NLGN4Y: variants seen among roughly 807,000 people sequenced by gnomAD.
The protein encoded by NLGN4Y is neuroligin-4, Y-linked.
NLGN4Y carries 4 observed loss-of-function variants against 8.4 expected under a neutral mutation model. The ratio of observed to expected loss-of-function variants is 0.48; its 90% confidence interval spans 0.23 to 1.09. NLGN4Y has a LOEUF of 1.09. Among genes scored for constraint, NLGN4Y ranks in the 50% least tolerant of loss-of-function variants. NLGN4Y has a pLI of 0.19. For missense variants in NLGN4Y, 90 were observed against 192.3 expected, an observed-to-expected ratio of 0.47 and a Z score of 3.15; for synonymous variants, 35 against 75.6, an observed-to-expected ratio of 0.46 and a Z score of 2.78.
intron 4 of NLGN4Y, among the ~76,000 whole-genome samples, chrY:14,762,398 A>G: frequency 2.9e-5 from 1 of 34,219 alleles, no homozygotes; most frequent in Admixed American, 2.7e-4. Context: ...TCCTTTACCA[A>G]TATTCCTCAT....
At chrY:14,693,910 AT>A (rs2080819167) in intron 2 of NLGN4Y, among the ~76,000 whole-genome samples, 7 of 32,082 alleles carry the variant, frequency 2.2e-4, no homozygotes, top group African/African-American at 3.6e-4. Context: ...AGGGACAAAA[AT>A]TAAAAAAAAA....
chrY:14,630,576 G>GA (rs2080545052), intron 2 of NLGN4Y, among the ~76,000 whole-genome samples: 1 of 33,624 alleles, frequency 3.0e-5, no homozygotes, highest in Non-Finnish European at 7.3e-5. Context: ...AGTGGTAATA[G>GA]AAAACTAAGG....
At chrY:14,578,902 C>A (rs2080307162) in intron 1 of NLGN4Y, among the ~76,000 whole-genome samples, 2 of 34,251 alleles carry the variant, frequency 5.8e-5, no homozygotes, top group African/African-American at 2.3e-4. Context: ...AATTTTACCA[C>A]ATAGAACTCT....
At chrY:14,811,071 C>T (rs1055155799) in intron 4 of NLGN4Y, among the ~76,000 whole-genome samples, 37 of 33,583 alleles carry the variant, frequency 1.1e-3, no homozygotes, top group African/African-American at 3.9e-3. Context: ...AATTTGAGTG[C>T]AGGACGTCAC....
chrY:14,815,897 G>A, intron 4 of NLGN4Y, among the ~76,000 whole-genome samples: 1 of 33,469 alleles, frequency 3.0e-5, no homozygotes. Flanking sequence ...TTTAACTTAG[G>A]CATAGGCATG....
chrY:14,632,207 G>A, intron 2 of NLGN4Y, among the ~76,000 whole-genome samples: 2 of 33,774 alleles, frequency 5.9e-5, no homozygotes, highest in Non-Finnish European at 1.5e-4. Context: ...TACTGTTGTA[G>A]TGGAGGGGTA....
At chrY:14,806,931 A>C in intron 4 of NLGN4Y, among the ~76,000 whole-genome samples, 1 of 33,375 alleles carries the variant, frequency 3.0e-5, no homozygotes, top group African/African-American at 1.2e-4. Flanking sequence ...TTGTAAGAAA[A>C]GTTGCTGTCT....
At chrY:14,716,251 G>A (rs2080915015) in intron 2 of NLGN4Y, among the ~76,000 whole-genome samples, 1 of 33,185 alleles carries the variant, frequency 3.0e-5, no homozygotes, top group Non-Finnish European at 7.4e-5. Context: ...TGGTAGAGAT[G>A]GAAGAAAAAG....
chrY:14,692,153 C>A (rs2080812196), intron 2 of NLGN4Y, among the ~76,000 whole-genome samples: 2 of 32,981 alleles, frequency 6.1e-5, no homozygotes, highest in Admixed American at 5.6e-4. Flanking sequence ...AGCCTAATTG[C>A]ATATTACAAT....
chrY:14,588,846 G>A (rs1603500528), intron 1 of NLGN4Y, among the ~76,000 whole-genome samples: 1 of 31,641 alleles, frequency 3.2e-5, no homozygotes, highest in African/African-American at 1.3e-4. Context: ...TCGTGGTCTC[G>A]CTGGCTCAGG....
At chrY:14,540,662 A>T in intron 1 of NLGN4Y, among the ~76,000 whole-genome samples, 1 of 33,605 alleles carries the variant, frequency 3.0e-5, no homozygotes. Flanking sequence ...TGCAGCCTCC[A>T]CTGGTGATAC....
At chrY:14,738,298 A>G in intron 4 of NLGN4Y, among the ~76,000 whole-genome samples, 1 of 32,786 alleles carries the variant, frequency 3.1e-5, no homozygotes, top group Non-Finnish European at 7.5e-5. Context: ...GCAATGTCCA[A>G]TTCAATTCAC....
At chrY:14,727,108 G>T (rs2080957497) in intron 4 of NLGN4Y, among the ~76,000 whole-genome samples, 1 of 33,229 alleles carries the variant, frequency 3.0e-5, no homozygotes, top group Non-Finnish European at 7.5e-5. Flanking sequence ...GAAAGAAAAA[G>T]AAATTTGAGA....
At chrY:14,785,025 G>A in intron 4 of NLGN4Y, among the ~76,000 whole-genome samples, 6 of 33,106 alleles carry the variant, frequency 1.8e-4, no homozygotes, top group Non-Finnish European at 4.4e-4. Flanking sequence ...GGAAAAATAA[G>A]TATCAGTGTA....
At chrY:14,591,381 A>G in intron 1 of NLGN4Y, among the ~76,000 whole-genome samples, 1 of 32,869 alleles carries the variant, frequency 3.0e-5, no homozygotes, top group Admixed American at 2.8e-4. Context: ...CCTGTGTTCT[A>G]TTTTCCCATC....
At chrY:14,619,319 C>A (rs2080500233) in intron 1 of NLGN4Y, among the ~76,000 whole-genome samples, 1 of 33,948 alleles carries the variant, frequency 2.9e-5, no homozygotes. Flanking sequence ...TCATTTAATC[C>A]CAACCTGGGA....
intron 1 of NLGN4Y, among the ~76,000 whole-genome samples, chrY:14,555,886 C>T (rs905810869): frequency 1.4e-3 from 48 of 33,269 alleles, no homozygotes; most frequent in Non-Finnish European, 6.7e-4. Context: ...AGCATTGTGA[C>T]TCATGCTTGT....
At chrY:14,643,680 C>T (rs2080599616) in intron 2 of NLGN4Y, among the ~76,000 whole-genome samples, 1 of 33,343 alleles carries the variant, frequency 3.0e-5, no homozygotes, top group Non-Finnish European at 7.4e-5. Context: ...TATGCTGTGC[C>T]TGACATCTCT....
At chrY:14,772,439 C>T (rs1055652738) in intron 4 of NLGN4Y, among the ~76,000 whole-genome samples, 13 of 33,023 alleles carry the variant, frequency 3.9e-4, no homozygotes, top group South Asian at 6.8e-4. Context: ...CAACCAAAAA[C>T]GGCACAGAAT....
Sources: allele counts gnomAD v4.1 joint callset (sites outside exome capture counted in the v4.1 genomes callset), GRCh38; gene constraint gnomAD v4.1.1; transcripts MANE v1.5; gene names NCBI Gene and HGNC (gene_info 2026-07-23, HGNC 2026-07-21).